ZNF136: variants seen among roughly 807,000 people sequenced by gnomAD.
ZNF136 encodes the protein zinc finger protein 136.
In ZNF136, 8 loss-of-function variants were observed where a neutral mutation model predicts 11.4. The observed-to-expected ratio is 0.70, with a 90% CI of 0.41 to 1.27. The LOEUF is 1.27. Among genes scored for constraint, ZNF136 ranks in the 50% most tolerant of loss-of-function variants. The probability of loss-of-function intolerance (pLI) is 0.01; values close to 1 mark genes in which losing one functional copy is unlikely to be tolerated. For synonymous variants in ZNF136, 190 were observed against 207.1 expected (o/e 0.92, Z 0.71); for missense variants, 590 against 656.5 (o/e 0.90, Z 1.11).
intron 1 of ZNF136, among the ~76,000 whole-genome samples, chr19:12,176,339 T>G (rs1914792493): frequency 6.6e-6 from 1 of 152,106 alleles, no homozygotes; most frequent in Non-Finnish European, 1.5e-5. Flanking sequence ...TACTTTTTTT[T>G]TTTTGAGATG....
At chr19:12,184,862 C>G (rs139027007) in intron 1 of ZNF136, 8 of 152,152 alleles carry the variant, frequency 5.3e-5, no homozygotes, top group Non-Finnish European at 8.8e-5. Flanking sequence ...GCTACTCTTA[C>G]ATAGGTCATT....
intron 1 of ZNF136, chr19:12,163,893 A>AT (rs1454593352): frequency 2.6e-4 from 40 of 152,376 alleles, no homozygotes; most frequent in African/African-American, 9.4e-4. Context: ...CTCTATGCAC[A>AT]GATACCTCAT....
chr19:12,164,495 T>G (rs894186537), intron 1 of ZNF136: 22 of 146,872 alleles, frequency 1.5e-4, no homozygotes, highest in African/African-American at 5.6e-4. Context: ...CAAGCTGGAG[T>G]GCAGTGGCGT....
chr19:12,171,955 A>C (rs560973700), intron 1 of ZNF136, among the ~76,000 whole-genome samples: 1 of 151,652 alleles, frequency 6.6e-6, no homozygotes, highest in Non-Finnish European at 1.5e-5. Context: ...AAAATTTTAA[A>C]ATTTTTTATT....
rs568948986 is a variant in ZNF136 at position 12,170,519 on chromosome 19, C to T, written c.3+7313C>T. Among the ~76,000 whole-genome samples, 117 of 152,062 alleles carry T rather than the reference C, an allele frequency of 7.7e-4. 1 individual carries two copies. The highest frequency in any genetic ancestry group is 2.8e-3 in the African/African-American group (116 of 41,456). On this transcript the variant is annotated intron_variant, in intron 1 of 3. Transcript: ENST00000343979. ...CCTTCCATCTCACCCTCCCAAGTAGCTGGGACTACAGGCGTGTGCCACATG... is the reference window on the plus strand; with the variant it reads ...CCTTCCATCTCACCCTCCCAAGTAGTTGGGACTACAGGCGTGTGCCACATG...
intron 1 of ZNF136, among the ~76,000 whole-genome samples, chr19:12,181,046 C>G (rs1043345512): frequency 1.3e-5 from 2 of 152,234 alleles, no homozygotes; most frequent in African/African-American, 4.8e-5. Flanking sequence ...CTCACCCCAC[C>G]CTGTACGATC....
intron 1 of ZNF136, among the ~76,000 whole-genome samples, chr19:12,184,247 CAG>C (rs1568403351): frequency 7.0e-6 from 1 of 142,870 alleles, no homozygotes; most frequent in Admixed American, 7.2e-5. Context: ...GCCTGGGCGA[CAG>C]AGCAAGACTC....
At chr19:12,180,317 A>C (rs989363938) in intron 1 of ZNF136, among the ~76,000 whole-genome samples, 1 of 152,186 alleles carries the variant, frequency 6.6e-6, no homozygotes, top group East Asian at 1.9e-4. Flanking sequence ...TCTTGATGCT[A>C]ATTTTTCAAT....
intron 1 of ZNF136, among the ~76,000 whole-genome samples, chr19:12,165,100 A>G (rs544687234): frequency 2.2e-4 from 34 of 152,304 alleles, no homozygotes; most frequent in African/African-American, 7.9e-4. Context: ...AAAGACGGAA[A>G]TGATTCCTGT....
chr19:12,179,765 T>A (rs903374916), intron 1 of ZNF136, among the ~76,000 whole-genome samples: 11 of 152,086 alleles, frequency 7.2e-5, no homozygotes, highest in Admixed American at 3.3e-4. Flanking sequence ...AAAGATGGAG[T>A]GGCGCTAAGT....
chr19:12,181,717 C>T (rs1200312649), intron 1 of ZNF136, among the ~76,000 whole-genome samples: 2 of 152,008 alleles, frequency 1.3e-5, no homozygotes, highest in Non-Finnish European at 2.9e-5. Context: ...TCACTGCAAG[C>T]TCCGCCTCCC....
chr19:12,186,173 AG>A lies in ZNF136; in HGVS notation c.191+1del. ...CTACAAACACCGAGGGAGAAATCTA[AG>A]GTAATTTGTACTCAGAGAAAGCAAA... ...DHYKHRGRNLRSHMLERLYQT... is the reference protein window; with the variant it reads ...DHYKHRGRNLXSHMLERLYQT... On this transcript the variant is annotated frameshift_variant and splice_region_variant, in exon 3 of 4. Transcript: ENST00000343979. LOFTEE classifies it low-confidence loss of function (END_TRUNC). 5 of 1,608,352 alleles carry A rather than the reference AG, an allele frequency of 3.1e-6. No individual in the cohort carries two copies. Among genetic ancestry groups the A allele is most frequent in the Non-Finnish European group, 4.2e-6 (5 of 1,178,516 alleles).
intron 1 of ZNF136, among the ~76,000 whole-genome samples, chr19:12,175,563 A>C (rs1599455482): frequency 6.6e-6 from 1 of 152,284 alleles, no homozygotes; most frequent in East Asian, 1.9e-4. Context: ...GAGTTCCCTT[A>C]TGCCCCCTAT....
intron 1 of ZNF136, among the ~76,000 whole-genome samples, chr19:12,165,537 G>A (rs1159468374): frequency 1.3e-5 from 2 of 152,134 alleles, no homozygotes; most frequent in African/African-American, 4.8e-5. Context: ...GCTTGTATCT[G>A]TATTTCTCCA....
At chr19:12,175,259 A>C (rs1198826525) in intron 1 of ZNF136, among the ~76,000 whole-genome samples, 1 of 151,050 alleles carries the variant, frequency 6.6e-6, no homozygotes, top group Non-Finnish European at 1.5e-5. Context: ...CAGTGATGCT[A>C]TCTTGGCTCA....
intron 1 of ZNF136, among the ~76,000 whole-genome samples, chr19:12,179,366 A>G (rs929960178): frequency 1.3e-5 from 2 of 151,016 alleles, no homozygotes; most frequent in South Asian, 2.1e-4. Context: ...CTGGAGTGCA[A>G]GTGGCACAGT....
Position 12,181,928 on chromosome 19 carries a change from C to T in ZNF136, c.4-3857C>T, listed in dbSNP as rs1914953415. 2.0e-5 allele frequency among the ~76,000 whole-genome samples: 3 copies of T among 152,240 alleles called. No individual in the cohort carries two copies. In the South Asian group the frequency reaches 6.2e-4, roughly 32 times the overall value. On this transcript the variant is annotated intron_variant, in intron 1 of 3. Transcript: ENST00000343979. ...GGGATTACAGGTGTGAGCCACCGCG[C>T]CCGGCCATTTTTTTGTGTTTTTTAG...
intron 1 of ZNF136, among the ~76,000 whole-genome samples, chr19:12,168,877 C>T (rs1599452031): frequency 1.3e-5 from 2 of 152,116 alleles, no homozygotes; most frequent in South Asian, 4.2e-4. Flanking sequence ...GGGGTTTTAC[C>T]ATGTTGGCCA....
intron 1 of ZNF136, among the ~76,000 whole-genome samples, chr19:12,182,217 C>T (rs145276757): frequency 5.6e-4 from 85 of 152,358 alleles, no homozygotes; most frequent in African/African-American, 1.8e-3. Flanking sequence ...GAATAACCAC[C>T]TGAAACTCCA....
Sources: allele counts gnomAD v4.1 joint callset (sites outside exome capture counted in the v4.1 genomes callset), GRCh38; gene constraint gnomAD v4.1.1; transcripts MANE v1.5; gene names NCBI Gene and HGNC (gene_info 2026-07-23, HGNC 2026-07-21).